SLC24A3: variants seen among roughly 807,000 people sequenced by gnomAD.
SLC24A3 encodes sodium/potassium/calcium exchanger 3.
In SLC24A3, 28 loss-of-function variants were observed where a neutral mutation model predicts 75.8. The observed-to-expected ratio is 0.37, with a 90% CI of 0.27 to 0.51. The LOEUF (loss-of-function observed/expected upper bound fraction) is 0.51, where lower values mean the gene tolerates loss of function less well. SLC24A3 is among the 20% of genes least tolerant of loss of function. SLC24A3 has a pLI of 0.94. For synonymous variants in SLC24A3, 372 were observed against 334.1 expected, an observed-to-expected ratio of 1.11 and a Z score of -1.24; for missense variants, 663 against 847.8, an observed-to-expected ratio of 0.78 and a Z score of 2.71.
intron 3 of SLC24A3, among the ~76,000 whole-genome samples, chr20:19,566,487 G>C (rs2030959603): frequency 6.6e-6 from 1 of 152,150 alleles, no homozygotes; most frequent in African/African-American, 2.4e-5. Context: ...ATTGCTCACT[G>C]CCTCCACCCT....
In SLC24A3 at chr20:19,300,939, C is replaced by T. The variant is rs201636822; in HGVS notation, c.271+19852C>T. Among the ~76,000 whole-genome samples, 7 of 152,248 alleles carry T rather than the reference C, an allele frequency of 4.6e-5. No homozygotes were observed. The East Asian group carries it at 9.7e-4, about 21-fold the overall frequency. ...AGATCACAGTGGTGGTGGCAGCTGC[C>T]GGGAACAGTTCTCCATGTTGTCCCC... is the stretch of plus-strand genomic sequence containing the variant. On this transcript the variant is annotated intron_variant, in intron 2 of 16. Transcript: ENST00000328041.
chr20:19,237,268 C>T (rs754659948), intron 1 of SLC24A3, among the ~76,000 whole-genome samples: 1 of 152,036 alleles, frequency 6.6e-6, no homozygotes, highest in South Asian at 2.1e-4. Context: ...GGCCTGCAGG[C>T]GGGGGTCAGT....
intron 2 of SLC24A3, among the ~76,000 whole-genome samples, chr20:19,310,552 G>A (rs996843586): frequency 6.6e-6 from 1 of 152,192 alleles, no homozygotes; most frequent in African/African-American, 2.4e-5. Context: ...CAGTTCTCTG[G>A]AAGGTCCGGG....
chr20:19,226,759 C>T (rs1236246720), intron 1 of SLC24A3, among the ~76,000 whole-genome samples: 1 of 152,158 alleles, frequency 6.6e-6, no homozygotes, highest in Non-Finnish European at 1.5e-5. Context: ...GTTTAAATAA[C>T]TTGCTCAAGG....
At chr20:19,606,585 A>G (rs1398956008) in intron 6 of SLC24A3, among the ~76,000 whole-genome samples, 2 of 152,270 alleles carry the variant, frequency 1.3e-5, no homozygotes, top group Admixed American at 6.5e-5. Context: ...AAACTCAGGG[A>G]AGTAACCGCT....
intron 3 of SLC24A3, among the ~76,000 whole-genome samples, chr20:19,562,306 T>C (rs780543035): frequency 1.3e-5 from 2 of 152,166 alleles, no homozygotes; most frequent in Non-Finnish European, 2.9e-5. Flanking sequence ...CAAAATGTTG[T>C]CTGAGAACAT....
chr20:19,668,328 C>A (rs949849790), intron 8 of SLC24A3, among the ~76,000 whole-genome samples: 55 of 152,164 alleles, frequency 3.6e-4, no homozygotes, highest in African/African-American at 1.3e-3. Context: ...TATCTTCTTA[C>A]CAAGCCAATC....
intron 6 of SLC24A3, among the ~76,000 whole-genome samples, chr20:19,630,454 G>T (rs2122685767): frequency 6.6e-6 from 1 of 152,218 alleles, no homozygotes; most frequent in South Asian, 2.1e-4. Context: ...CACTGACCAG[G>T]TAACTCTAGC....
chr20:19,461,979 G>T (rs530561871), intron 2 of SLC24A3, among the ~76,000 whole-genome samples: 38 of 152,260 alleles, frequency 2.5e-4, no homozygotes, highest in African/African-American at 7.2e-4. Context: ...GAATTCAGGC[G>T]TTCTGACTCC....
At chr20:19,644,332 C>T (rs2032110460) in intron 6 of SLC24A3, among the ~76,000 whole-genome samples, 1 of 152,160 alleles carries the variant, frequency 6.6e-6, no homozygotes, top group Non-Finnish European at 1.5e-5. Flanking sequence ...CAGCAGGACT[C>T]ACACTACAAT....
chr20:19,499,860 AC>A (rs1479042256), intron 2 of SLC24A3, among the ~76,000 whole-genome samples: 1 of 152,196 alleles, frequency 6.6e-6, no homozygotes, highest in Admixed American at 6.5e-5. Flanking sequence ...GATTATACAT[AC>A]ATACATGTTT....
chr20:19,323,396 G>T (rs1485777081), intron 2 of SLC24A3, among the ~76,000 whole-genome samples: 2 of 152,156 alleles, frequency 1.3e-5, no homozygotes, highest in Non-Finnish European at 2.9e-5. Flanking sequence ...GCCTGAAAAT[G>T]TTCCAGATTT....
At chr20:19,548,393 T>C (rs2030637194) in intron 3 of SLC24A3, among the ~76,000 whole-genome samples, 1 of 152,250 alleles carries the variant, frequency 6.6e-6, no homozygotes, top group African/African-American at 2.4e-5. Context: ...AACAATGAGA[T>C]GTTATGTGAC....
intron 2 of SLC24A3, among the ~76,000 whole-genome samples, chr20:19,325,333 C>T (rs1310019518): frequency 6.6e-6 from 1 of 151,806 alleles, no homozygotes; most frequent in Admixed American, 6.6e-5. Context: ...GTAGTCCCAG[C>T]TACTGGTGGG....
chr20:19,391,459 G>A (rs1485969422), intron 2 of SLC24A3, among the ~76,000 whole-genome samples: 2 of 152,162 alleles, frequency 1.3e-5, no homozygotes, highest in East Asian at 1.9e-4. Context: ...TTTCTTGAGG[G>A]CACAAATACA....
chr20:19,247,147 G>A (rs1027969771), intron 1 of SLC24A3, among the ~76,000 whole-genome samples: 4 of 152,172 alleles, frequency 2.6e-5, no homozygotes, highest in African/African-American at 9.7e-5. Context: ...AGTTCCATAT[G>A]TACACGTCAG....
chr20:19,349,623 G>A (rs1039941885), intron 2 of SLC24A3, among the ~76,000 whole-genome samples: 1 of 152,162 alleles, frequency 6.6e-6, no homozygotes, highest in Non-Finnish European at 1.5e-5. Flanking sequence ...TGGCTCTGAG[G>A]TGCATGCTCT....
chr20:19,427,056 C>CGT (rs1219247830), intron 2 of SLC24A3, among the ~76,000 whole-genome samples: 1 of 151,722 alleles, frequency 6.6e-6, no homozygotes, highest in Non-Finnish European at 1.5e-5. Flanking sequence ...CCTGTGTGTG[C>CGT]GTGTGTGTGT....
chr20:19,452,021 A>C (rs1404728395), intron 2 of SLC24A3, among the ~76,000 whole-genome samples: 1 of 152,184 alleles, frequency 6.6e-6, no homozygotes, highest in Non-Finnish European at 1.5e-5. Flanking sequence ...CTCTGTGGCT[A>C]TTTTCAGAAG....
Sources: gnomAD v4.1 joint callset for allele counts (sites outside exome capture counted in the v4.1 genomes callset) on GRCh38, gnomAD v4.1.1 for gene constraint, MANE v1.5 for transcripts, NCBI Gene and HGNC (gene_info 2026-07-23, HGNC 2026-07-21) for gene names.